The following MCOLN2 variants were observed in gnomAD, a reference collection of about 807,000 sequenced individuals.
MCOLN2 encodes the protein mucolipin TRP cation channel 2.
A neutral mutation model predicts 67.5 loss-of-function variants in MCOLN2; 57 were observed. That is an observed-to-expected ratio of 0.84 (90% CI 0.68 to 1.05). The LOEUF is 1.05. Ranked by LOEUF, MCOLN2 falls within the 50% of genes least tolerant of loss-of-function variation. MCOLN2 has a pLI of 0.00. For missense variants in MCOLN2, 620 were observed against 678.8 expected (o/e 0.91, Z 0.96); for synonymous variants, 246 against 233.3 (o/e 1.05, Z -0.50).
At chr1:84,980,014 C>T (rs979652632) in intron 1 of MCOLN2, among the ~76,000 whole-genome samples, 2 of 152,086 alleles carry the variant, frequency 1.3e-5, no homozygotes, top group Non-Finnish European at 2.9e-5. Flanking sequence ...AAATCAGTAG[C>T]ATTTCTATGT....
chr1:84,942,212 T>G (rs993501010), intron 7 of MCOLN2, among the ~76,000 whole-genome samples: 2 of 152,246 alleles, frequency 1.3e-5, no homozygotes, highest in South Asian at 2.1e-4. Context: ...TCATGGTTCT[T>G]GGTTACTACA....
Position 84,956,462 on chromosome 1 carries a change from C to T in MCOLN2, c.534G>A (p.Glu178=), listed in dbSNP as rs115579876. The T allele has an allele frequency of 8.7e-4, 1,407 of 1,611,250 alleles. 17 individuals carry two copies. In the African/African-American group the frequency reaches 0.012, roughly 14 times the overall value. The change falls in exon 4 of 14, where the codon GAG becomes GAA. Residue 178 remains glutamate, a synonymous_variant. Transcript: ENST00000370608. The part of the protein sequence containing the change: ...YKKGTMFPSN[E]TLNIDNDVEL... ...CAACGTCGTTGTCAATATTCAGTGTCTCATTAGAAGGAAACATGGTCCCTT... is the reference window on the plus strand; with the variant it reads ...CAACGTCGTTGTCAATATTCAGTGTTTCATTAGAAGGAAACATGGTCCCTT...
chr1:84,956,249 C>T (rs184711368), intron 4 of MCOLN2, among the ~76,000 whole-genome samples, 182 bp downstream of exon 4: 25 of 152,270 alleles, frequency 1.6e-4, no homozygotes, highest in Admixed American at 6.5e-4. Context: ...CCTGTCCCAT[C>T]GCCACAACCC....
chr1:84,982,475 C>T (rs1650305762), intron 1 of MCOLN2, among the ~76,000 whole-genome samples: 1 of 152,098 alleles, frequency 6.6e-6, no homozygotes, highest in Non-Finnish European at 1.5e-5. Flanking sequence ...TATCCCATGC[C>T]TTAAAATGTT....
intron 13 of MCOLN2, among the ~76,000 whole-genome samples, chr1:84,927,698 C>A (rs1446858526): frequency 1.3e-5 from 2 of 152,214 alleles, no homozygotes; most frequent in Non-Finnish European, 2.9e-5. Context: ...GGCACAAAAA[C>A]CAATCTTTGC....
intron 9 of MCOLN2, among the ~76,000 whole-genome samples, chr1:84,939,193 C>T (rs532582804): frequency 6.6e-6 from 1 of 152,238 alleles, no homozygotes; most frequent in African/African-American, 2.4e-5. Context: ...TCACCCCATC[C>T]GTCGGAGCAC....
intron 1 of MCOLN2, among the ~76,000 whole-genome samples, chr1:84,996,000 AGAAG>A (rs1651130734): frequency 6.6e-6 from 1 of 152,110 alleles, no homozygotes; most frequent in Admixed American, 6.5e-5. Context: ...TTTCTAAAGG[AGAAG>A]GGTGTGCCTG....
chr1:84,937,672 C>T (rs946802039), intron 11 of MCOLN2, 83 bp downstream of exon 11: 23 of 1,569,812 alleles, frequency 1.5e-5, no homozygotes, highest in Non-Finnish European at 2.0e-5. Context: ...CTAGAGAAGA[C>T]CAGGAAGCAA....
intron 13 of MCOLN2, among the ~76,000 whole-genome samples, chr1:84,927,040 T>TG (rs994996134): frequency 2.0e-4 from 21 of 107,682 alleles, no homozygotes; most frequent in Non-Finnish European, 3.8e-5. Context: ...GGGGAAATGT[T>TG]GGGGGGTAGG....
chr1:84,955,385 C>T (rs1342295382), intron 4 of MCOLN2, among the ~76,000 whole-genome samples: 1 of 152,064 alleles, frequency 6.6e-6, no homozygotes, highest in Non-Finnish European at 1.5e-5. Flanking sequence ...GAACTGAAAC[C>T]TTTTTCCTGA....
Position 84,926,374 on chromosome 1 carries a change from G to A in MCOLN2, c.*311C>T, listed in dbSNP as rs34735383. 12,854 of 247,780 alleles carry A rather than the reference G, an allele frequency of 0.052. 384 individuals are homozygous for A. Among genetic ancestry groups the A allele is most frequent in the Non-Finnish European group, 0.067 (8,745 of 131,136 alleles). The allele number at this position is 247,780 out of a possible 1,614,324, so 15.3% of individuals were successfully genotyped here. A position where few individuals can be genotyped will look rare whatever the true frequency, so the allele number is the denominator to read the frequency against. On this transcript the variant is annotated 3_prime_UTR_variant, in exon 14 of 14. Coordinates refer to ENST00000370608, the MANE Select transcript of MCOLN2 (RefSeq NM_153259.4). ...TTACATGGTTAAAGACTATTATTTC[G>A]CACACTCTGAAATGATCTTTTTCCA... is the stretch of plus-strand genomic sequence containing the variant.
chr1:84,966,024 G>A (rs1056978783), intron 1 of MCOLN2, among the ~76,000 whole-genome samples: 2 of 152,158 alleles, frequency 1.3e-5, no homozygotes, highest in East Asian at 1.9e-4. Flanking sequence ...AGACCGAGGC[G>A]GGTGGATCAT....
chr1:84,982,458 C>A (rs1489027170), intron 1 of MCOLN2, among the ~76,000 whole-genome samples: 3 of 152,116 alleles, frequency 2.0e-5, no homozygotes, highest in African/African-American at 7.2e-5. Context: ...TTTTTAATAT[C>A]CTCATCTATC....
chr1:84,928,435 T>G (rs1306522495), intron 13 of MCOLN2, among the ~76,000 whole-genome samples: 1 of 152,188 alleles, frequency 6.6e-6, no homozygotes, highest in South Asian at 2.1e-4. Flanking sequence ...TAGGGCTGCA[T>G]GACAAAACAT....
Position 84,947,118 on chromosome 1 carries a change from A to G in MCOLN2, c.762T>C (p.Asn254=). 6.4e-7 allele frequency: 1 copy of G among 1,556,862 alleles called. No individual in the cohort carries two copies. Among genetic ancestry groups the G allele is most frequent in the Non-Finnish European group, 8.9e-7 (1 of 1,128,902 alleles). The change falls in exon 7 of 14, where the codon AAT becomes AAC. Residue 254 remains asparagine (N), a synonymous_variant. Coordinates refer to ENST00000370608, the MANE Select transcript of MCOLN2 (RefSeq NM_153259.4). ...TTTTGATTTTGCCACTGTGAGCTTT[A>G]TTGTCAAAGATAATCTGGAGACACA... ...YVFQNTIIFD[N]KAHSGKIKIY...
chr1:84,976,180 G>A (rs913376587), intron 1 of MCOLN2, among the ~76,000 whole-genome samples: 4 of 152,092 alleles, frequency 2.6e-5, no homozygotes, highest in Non-Finnish European at 5.9e-5. Flanking sequence ...CCAAATACAA[G>A]AAGGTTATAT....
intron 13 of MCOLN2, among the ~76,000 whole-genome samples, chr1:84,927,810 G>A (rs187504890): frequency 2.3e-4 from 35 of 152,234 alleles, no homozygotes; most frequent in African/African-American, 7.9e-4. Context: ...TTAAGAGGCG[G>A]GGTCTCACTA....
rs147803870 is a variant in MCOLN2 at position 84,947,033 on chromosome 1, T to A, written c.847A>T (p.Thr283Ser). Residue 283 changes from threonine to serine, a missense_variant and splice_region_variant, in exon 7 of 14, where the codon ACT (threonine) becomes TCT (serine). Coordinates refer to ENST00000370608, the MANE Select transcript of MCOLN2 (RefSeq NM_153259.4). ...ATGGGCAAGTATATAGCATACTTAC[T>A]AGATCCAAATATGTTCAAGTCTTTA... is the stretch of plus-strand genomic sequence containing the variant. Reference protein sequence around the residue: ...ECKDLNIFGSTQKNAQYVLVF... With the variant: ...ECKDLNIFGSSQKNAQYVLVF... The A allele has an allele frequency of 1.5e-4, 215 of 1,431,338 alleles. No homozygotes were observed. In the African/African-American group the frequency reaches 1.7e-3, roughly 12 times the overall value. 88.7% of individuals were successfully genotyped at this position (1,431,338 alleles called of 1,614,324 possible).
At chr1:84,974,285 C>A (rs2102870506) in intron 1 of MCOLN2, among the ~76,000 whole-genome samples, 1 of 152,112 alleles carries the variant, frequency 6.6e-6, no homozygotes, top group South Asian at 2.1e-4. Flanking sequence ...ACTAGAGGGG[C>A]ATGCAATCTA....
Sources: allele counts gnomAD v4.1 joint callset (sites outside exome capture counted in the v4.1 genomes callset), GRCh38; gene constraint gnomAD v4.1.1; transcripts MANE v1.5; gene names NCBI Gene and HGNC (gene_info 2026-07-23, HGNC 2026-07-21).